The following CNGB1 variants were observed in gnomAD, a reference collection of about 807,000 sequenced individuals.
CNGB1 encodes cyclic nucleotide gated channel subunit beta 1, also known as cyclic nucleotide-gated channel beta-1.
In CNGB1, 126 loss-of-function variants were observed where a neutral mutation model predicts 151.7. The observed-to-expected ratio is 0.83, with a 90% CI of 0.72 to 0.96. The LOEUF is 0.96. Among genes scored for constraint, CNGB1 ranks in the 40% least tolerant of loss-of-function variants. The probability of loss-of-function intolerance (pLI) is 0.00; values close to 1 mark genes in which losing one functional copy is unlikely to be tolerated. For missense variants in CNGB1, 1,698 were observed against 1,627.0 expected, an observed-to-expected ratio of 1.04 and a Z score of -0.75; for synonymous variants, 623 against 635.1, an observed-to-expected ratio of 0.98 and a Z score of 0.29.
intron 15 of CNGB1, 138 bp downstream of exon 15, chr16:57,940,096 C>T: frequency 1.1e-6 from 1 of 876,802 alleles, no homozygotes; most frequent in Non-Finnish European, 1.8e-6. Flanking sequence ...CCTCGCAGGA[C>T]CCGCCACCCT....
intron 25 of CNGB1, among the ~76,000 whole-genome samples, chr16:57,905,825 C>T (rs578210074): frequency 5.2e-5 from 8 of 152,384 alleles, no homozygotes; most frequent in African/African-American, 1.9e-4. Context: ...CAGAGAGCAG[C>T]CCTCACCAGA....
chr16:57,887,817 T>C, intron 32 of CNGB1, 38 bp downstream of exon 32: 2 of 1,602,276 alleles, frequency 1.2e-6, no homozygotes, highest in African/African-American at 1.3e-5. Context: ...TGACACATAT[T>C]GAAATGAACG....
chr16:57,923,243 C>A (rs1210853831), intron 18 of CNGB1, 30 bp downstream of exon 18: 22 of 1,200,782 alleles, frequency 1.8e-5, no homozygotes, highest in African/African-American at 4.7e-5. Context: ...CGCAGTCTTT[C>A]AATTTTCTGA....
intron 26 of CNGB1, 127 bp from the exon 27 acceptor site, chr16:57,904,108 G>A (rs941575004): frequency 1.7e-5 from 13 of 781,418 alleles, no homozygotes; most frequent in South Asian, 5.9e-5. Context: ...GCGTTGGGAG[G>A]GGGGTAGGCA....
intron 31 of CNGB1, among the ~76,000 whole-genome samples, chr16:57,889,244 C>T (rs1960021272): frequency 6.6e-6 from 1 of 152,214 alleles, no homozygotes; most frequent in South Asian, 2.1e-4. Context: ...CTCGAGCAAT[C>T]CTCCTGCCAT....
rs770011113 is a variant in CNGB1 at position 57,903,821 on chromosome 16, C to T, written c.2794+1G>A. 1.5e-5 allele frequency: 25 copies of T among 1,613,960 alleles called. No individual in the cohort carries two copies. In the Admixed American group the frequency reaches 4.2e-4, roughly 27 times the overall value. On this transcript the variant is annotated splice_donor_variant, in intron 27 of 32. Transcript: ENST00000251102. LOFTEE classifies it high-confidence loss of function. The stretch of plus-strand genomic sequence containing the variant: ...TGGCTGCCAGGGCGTGACCATCTTA[C>T]CCAGCATGCCTTGCGAGTGCCAGGT...
chr16:57,950,287 G>T, intron 13 of CNGB1, 94 bp downstream of exon 13: 4 of 1,483,948 alleles, frequency 2.7e-6, no homozygotes, highest in African/African-American at 2.8e-5. Context: ...CTTGGTTCCT[G>T]CTCTGTGCCT....
At chr16:57,943,929 C>G (rs1961735911) in intron 14 of CNGB1, among the ~76,000 whole-genome samples, 1 of 151,916 alleles carries the variant, frequency 6.6e-6, no homozygotes, top group Non-Finnish European at 1.5e-5. Context: ...GCTGTGTTGC[C>G]CAGGCTGGAG....
At chr16:57,942,886 A>G (rs1223310297) in intron 14 of CNGB1, among the ~76,000 whole-genome samples, 3 of 151,718 alleles carry the variant, frequency 2.0e-5, no homozygotes, top group African/African-American at 4.8e-5. Context: ...AACCCTACCC[A>G]CATTGATTGA....
chr16:57,886,859 G>T (rs1034339646), intron 32 of CNGB1, among the ~76,000 whole-genome samples: 3 of 152,218 alleles, frequency 2.0e-5, no homozygotes, highest in African/African-American at 7.2e-5. Context: ...TGTGTGAGAG[G>T]TTTTCACTTT....
chr16:57,900,469 G>A (rs990411774), intron 29 of CNGB1, among the ~76,000 whole-genome samples: 1 of 152,184 alleles, frequency 6.6e-6, no homozygotes, highest in African/African-American at 2.4e-5. Flanking sequence ...CTGTGCAAGA[G>A]GACTGAAACC....
At chr16:57,962,913 G>C in intron 5 of CNGB1, 41 bp from the exon 6 acceptor site, 2 of 1,612,184 alleles carry the variant, frequency 1.2e-6, no homozygotes, top group Non-Finnish European at 1.7e-6. Flanking sequence ...GGGAGCCCAA[G>C]GGCAGCCTCC....
intron 21 of CNGB1, 36 bp downstream of exon 21, chr16:57,917,232 C>T (rs1346958711): frequency 6.3e-7 from 1 of 1,581,352 alleles, no homozygotes; most frequent in Middle Eastern, 1.8e-4. Context: ...AGCGGTCTGC[C>T]CCCGGTCACC....
rs1962532131 is a variant in CNGB1 at position 57,971,116 on chromosome 16, G to T, written c.-65C>A. ...GCCTTCTTGCTGCCACTCGTAGCTG[G>T]CCCCTCAGACACAAGGAAGATTAAT... On this transcript the variant is annotated 5_prime_UTR_variant, in exon 1 of 33. Transcript: ENST00000251102. 1 of 152,276 alleles carries T rather than the reference G, an allele frequency of 6.6e-6. No individual in the cohort carries two copies. Among genetic ancestry groups the T allele is most frequent in the Admixed American group, 6.5e-5 (1 of 15,284 alleles). The allele number at this position is 152,276 out of a possible 1,614,324, so 9.4% of individuals were successfully genotyped here.
intron 11 of CNGB1, among the ~76,000 whole-genome samples, 156 bp downstream of exon 11, chr16:57,958,254 T>A (rs1372484027): frequency 9.1e-6 from 1 of 110,028 alleles, no homozygotes; most frequent in Non-Finnish European, 1.8e-5. Flanking sequence ...GGCCAGCATG[T>A]CTCAGGGAGT....
intron 13 of CNGB1, 81 bp from the exon 14 acceptor site, chr16:57,949,520 G>A: frequency 6.2e-7 from 1 of 1,601,546 alleles, no homozygotes; most frequent in East Asian, 2.2e-5. Context: ...TTTTCTGTAG[G>A]ATGTCCCATG....
At chr16:57,954,820 C>A in intron 12 of CNGB1, 1 of 990,388 alleles carries the variant, frequency 1.0e-6, no homozygotes, top group Non-Finnish European at 1.2e-6. Flanking sequence ...GAGGTGCTGA[C>A]GGTGCCAGGT....
intron 25 of CNGB1, among the ~76,000 whole-genome samples, chr16:57,909,035 A>G (rs1960635843): frequency 2.6e-5 from 4 of 152,232 alleles, no homozygotes; most frequent in African/African-American, 7.2e-5. Flanking sequence ...TGGGAGGCCA[A>G]TCACAGGCAG....
At position 57,915,407 on chromosome 16, in the gene CNGB1, C is replaced by T. The variant is rs562518196; in HGVS notation, c.2218-72G>A. 9 of 1,168,344 alleles carry T rather than the reference C, an allele frequency of 7.7e-6. No individual in the cohort carries two copies. The Admixed American group carries it at 9.4e-5, about 12-fold the overall frequency. The allele number at this position is 1,168,344 out of a possible 1,614,324, so 72.4% of individuals were successfully genotyped here. A position where few individuals can be genotyped will look rare whatever the true frequency, so the allele number is the denominator to read the frequency against. On this transcript the variant is annotated intron_variant, in intron 22 of 32. Transcript: ENST00000251102. ...GGTGGAAGGTGAGGGGAGTGAGAGGCGGAGTCTCTCCCTTCCATGGAAAGG... is the reference window on the plus strand; with the variant it reads ...GGTGGAAGGTGAGGGGAGTGAGAGGTGGAGTCTCTCCCTTCCATGGAAAGG...
Sources: allele counts gnomAD v4.1 joint callset (sites outside exome capture counted in the v4.1 genomes callset), GRCh38; gene constraint gnomAD v4.1.1; transcripts MANE v1.5; gene names NCBI Gene and HGNC (gene_info 2026-07-23, HGNC 2026-07-21).